The following PDE6B variants were observed in gnomAD, a reference collection of about 807,000 sequenced individuals.
The protein encoded by PDE6B is rod cGMP-specific 3',5'-cyclic phosphodiesterase subunit beta.
A neutral mutation model predicts 109.0 loss-of-function variants in PDE6B; 106 were observed. The ratio of observed to expected loss-of-function variants is 0.97; its 90% CI spans 0.83 to 1.14. PDE6B has a LOEUF of 1.14. Among genes scored for constraint, PDE6B ranks in the 50% most tolerant of loss-of-function variants. The pLI is 0.00. For missense variants in PDE6B, 1,193 were observed against 1,155.6 expected, an observed-to-expected ratio of 1.03 and a Z score of -0.47; for synonymous variants, 490 against 471.3, an observed-to-expected ratio of 1.04 and a Z score of -0.51.
At position 648,914 on chromosome 4, in the gene PDE6B, C is replaced by G. The variant is rs1164204538; in HGVS notation, c.712-4938C>G. On this transcript the variant is annotated intron_variant, in intron 3 of 21. Coordinates refer to ENST00000496514, the MANE Select transcript of PDE6B (RefSeq NM_000283.4). This position sits in a 1 kb window ranked among gnomAD's most constrained non-coding sequence, Gnocchi z 4.5. ...GGCATGGGAGGAGCGGGGGAGCCTT[C>G]TGTCTCTGCAGGTCTGACTCCTGCC... Among the ~76,000 whole-genome samples, 1 of 152,238 alleles carries G rather than the reference C, an allele frequency of 6.6e-6. No individual in the cohort carries two copies. Among genetic ancestry groups the G allele is most frequent in the Non-Finnish European group, 1.5e-5 (1 of 68,034 alleles).
At position 664,882 on chromosome 4, in the gene PDE6B, GC is replaced by G; in HGVS notation, c.2133del (p.Met712Ter). 1 of 1,613,010 alleles carries G rather than the reference GC, an allele frequency of 6.2e-7. No homozygotes were observed. Among genetic ancestry groups the G allele is most frequent in the Non-Finnish European group, 8.5e-7 (1 of 1,179,710 alleles). On this transcript the variant is annotated frameshift_variant and splice_region_variant, in exon 18 of 22. Transcript: ENST00000496514. LOFTEE classifies it high-confidence loss of function. ...LETTRKEIVM[A>X]MMMTACDLSA... The stretch of plus-strand genomic sequence containing the variant: ...CTCGTGCCCGGTTTGTGTCTGCAGG[GC>G]CATGATGATGACAGCCTGCGACCTG...
intron 12 of PDE6B, chr4:661,681 TC>T (rs1304603729): frequency 6.5e-6 from 1 of 153,984 alleles, no homozygotes; most frequent in African/African-American, 2.4e-5. Context: ...AGGAAGAGCC[TC>T]CTGGCGATGT....
At chr4:649,176 C>T (rs1735366550) in intron 3 of PDE6B, among the ~76,000 whole-genome samples, 1 of 152,170 alleles carries the variant, frequency 6.6e-6, no homozygotes, top group Non-Finnish European at 1.5e-5. Flanking sequence ...GGCGGGTGAT[C>T]CTGGGTGTCT....
In PDE6B at chr4:670,110, A is replaced by G; in HGVS notation, c.*3A>G. ...CTTCAACCTGCTGTATCCTGTGAGC[A>G]CTGGTCCCATGGGGACCCTATGGCT... On this transcript the variant is annotated 3_prime_UTR_variant, in exon 22 of 22. Transcript: ENST00000496514. 6.2e-7 allele frequency: 1 copy of G among 1,611,598 alleles called. No homozygotes were observed. The highest frequency in any genetic ancestry group is 8.5e-7 in the Non-Finnish European group (1 of 1,178,180).
chr4:656,745 C>G (rs1736307545), intron 8 of PDE6B, 129 bp from the exon 9 acceptor site: 3 of 777,020 alleles, frequency 3.9e-6, no homozygotes, highest in Non-Finnish European at 6.7e-6. Context: ...ATGCAGAGAG[C>G]AGAGACAGGA....
intron 3 of PDE6B, among the ~76,000 whole-genome samples, chr4:650,667 G>A (rs912045287): frequency 6.6e-6 from 1 of 152,182 alleles, no homozygotes; most frequent in South Asian, 2.1e-4. Context: ...ACACAGGGAG[G>A]GGGGCCGGCA....
chr4:667,820 G>T, intron 20 of PDE6B, 36 bp from the exon 21 acceptor site: 1 of 1,605,970 alleles, frequency 6.2e-7, no homozygotes, highest in South Asian at 1.1e-5. Context: ...AGAGCAGGCA[G>T]GACAGGACTG....
chr4:654,996 A>T, intron 6 of PDE6B, 108 bp downstream of exon 6: 1 of 793,396 alleles, frequency 1.3e-6, no homozygotes, highest in Non-Finnish European at 2.3e-6. Context: ...TGCAGTCAGC[A>T]GCACCGGCCT....
intron 1 of PDE6B, among the ~76,000 whole-genome samples, chr4:627,830 C>G (rs997744804): frequency 6.6e-6 from 1 of 152,072 alleles, no homozygotes; most frequent in Non-Finnish European, 1.5e-5. Flanking sequence ...GTTTGTCCCC[C>G]GCTGCCACCA....
intron 3 of PDE6B, among the ~76,000 whole-genome samples, chr4:649,516 G>C (rs1052670099): frequency 6.6e-6 from 1 of 152,184 alleles, no homozygotes; most frequent in Non-Finnish European, 1.5e-5. Flanking sequence ...TGCTTTGAAA[G>C]TGAAGGAGCG....
At position 663,320 on chromosome 4, in the gene PDE6B, G is replaced by A. The variant is rs1737349167; in HGVS notation, c.1920+133G>A. The A allele has an allele frequency of 1.4e-6, 1 of 697,660 alleles. No homozygotes were observed. 43.2% of individuals were successfully genotyped at this position (697,660 alleles called of 1,614,324 possible). On this transcript the variant is annotated intron_variant, in intron 15 of 21. Transcript: ENST00000496514. This position sits in a 1 kb window ranked among gnomAD's most constrained non-coding sequence, Gnocchi z 4.0. The stretch of plus-strand genomic sequence containing the variant: ...CTGGGTGTGTGAGCACTGGGGGAGG[G>A]CGGCAGAGAAGGCGGAGGGCCGAGG...
chr4:633,498 G>A lies in PDE6B; in HGVS notation c.469-1179G>A, dbSNP rs1043220681. On this transcript the variant is annotated intron_variant, in intron 1 of 21. Coordinates refer to ENST00000496514, the MANE Select transcript of PDE6B (RefSeq NM_000283.4). This position sits in a 1 kb window ranked among gnomAD's most constrained non-coding sequence, Gnocchi z 4.5. Reference sequence around the variant, plus strand: ...CTGACCTCTCAACCTTGCTGCAGGGGAAGGGGGTGGAGGGGAGTTGCGAGG... The same window carrying A: ...CTGACCTCTCAACCTTGCTGCAGGGAAAGGGGGTGGAGGGGAGTTGCGAGG... Among the ~76,000 whole-genome samples, 1 of 152,196 alleles carries A rather than the reference G, an allele frequency of 6.6e-6. No homozygotes were observed. The highest frequency in any genetic ancestry group is 1.5e-5 in the Non-Finnish European group (1 of 68,018).
At position 626,841 on chromosome 4, in the gene PDE6B, G is replaced by T. The variant is rs1734132314; in HGVS notation, c.468+747G>T. On this transcript the variant is annotated intron_variant, in intron 1 of 21. Transcript: ENST00000496514. This position sits in a 1 kb window ranked among gnomAD's most constrained non-coding sequence, Gnocchi z 4.6. Reference sequence around the variant, plus strand: ...GACTGGAGAACAAGAGGGGTGTGAGGTGCCTGCCAGACTGGGTGAGGGCAG... The same window carrying T: ...GACTGGAGAACAAGAGGGGTGTGAGTTGCCTGCCAGACTGGGTGAGGGCAG... Among the ~76,000 whole-genome samples the T allele has an allele frequency of 6.6e-6, 1 of 152,226 alleles. No homozygotes were observed. Among genetic ancestry groups the T allele is most frequent in the Non-Finnish European group, 1.5e-5 (1 of 68,036 alleles).
rs146646008 is a variant in PDE6B, at chr4:654,132, G to A, written c.905G>A (p.Gly302Asp). The change falls in exon 5 of 22, where the codon GGC (glycine) becomes GAC (aspartate). Residue 302 changes from glycine (G) to aspartate (D), a missense_variant. Coordinates refer to ENST00000496514, the MANE Select transcript of PDE6B (RefSeq NM_000283.4). ...ATGGGAGAGTCCCAGCCGTACTCGG[G>A]CCCACGCACGCCTGATGGCCGGGTG... The part of the protein sequence containing the change: ...VLMGESQPYS[G>D]PRTPDGREIV... The A allele has an allele frequency of 3.7e-4, 597 of 1,613,790 alleles. No homozygotes were observed. Among genetic ancestry groups the A allele is most frequent in the Middle Eastern group, 6.6e-4 (4 of 6,062 alleles).
At chr4:655,916 C>A in intron 6 of PDE6B, 24 bp from the exon 7 acceptor site, 2 of 1,540,446 alleles carry the variant, frequency 1.3e-6, no homozygotes, top group South Asian at 2.2e-5. Context: ...CGTGGCCTAT[C>A]TGACCCCTGC....
At position 636,855 on chromosome 4, in the gene PDE6B, T is replaced by C. The variant is rs1734709573; in HGVS notation, c.711+886T>C. ...AGTCTGGAAAGGCGGTCAGGGCCCCTGGGGCATCCAGCCATCCAGCCAGTG... is the reference window on the plus strand; with the variant it reads ...AGTCTGGAAAGGCGGTCAGGGCCCCCGGGGCATCCAGCCATCCAGCCAGTG... On this transcript the variant is annotated intron_variant, in intron 3 of 21. Transcript: ENST00000496514. This position sits in a 1 kb window ranked among gnomAD's most constrained non-coding sequence, Gnocchi z 4.5. Among the ~76,000 whole-genome samples the C allele has an allele frequency of 6.6e-6, 1 of 152,172 alleles. No homozygotes were observed. The highest frequency in any genetic ancestry group is 2.4e-5 in the African/African-American group (1 of 41,450).
rs536667903 is a variant in PDE6B at position 626,996 on chromosome 4, C to G, written c.468+902C>G. Among the ~76,000 whole-genome samples, 222 of 152,296 alleles carry G rather than the reference C, an allele frequency of 1.5e-3. No individual in the cohort carries two copies. Among genetic ancestry groups the G allele is most frequent in the Non-Finnish European group, 2.7e-3 (183 of 68,024 alleles). On this transcript the variant is annotated intron_variant, in intron 1 of 21. Transcript: ENST00000496514. This position sits in a 1 kb window ranked among gnomAD's most constrained non-coding sequence, Gnocchi z 4.6. ...AGCTTCCTCTCCCCTTTTCTGTCCCCACAGCTAAGGAGGCTGCAAGAGGCC... is the reference window on the plus strand; with the variant it reads ...AGCTTCCTCTCCCCTTTTCTGTCCCGACAGCTAAGGAGGCTGCAAGAGGCC...
chr4:664,102 C>T lies in PDE6B; in HGVS notation c.2022-12C>T. 6.4e-7 allele frequency: 1 copy of T among 1,568,658 alleles called. No individual in the cohort carries two copies. Among genetic ancestry groups the T allele is most frequent in the Non-Finnish European group, 8.8e-7 (1 of 1,138,996 alleles). ...TGCTCCCACCTGCACCTCCCTTGTT[C>T]CCTGGGTTCAGGAAGAGAGCGATGT... is the stretch of plus-strand genomic sequence containing the variant. On this transcript the variant is annotated splice_polypyrimidine_tract_variant and intron_variant, in intron 16 of 21. Transcript: ENST00000496514.
chr4:666,396 C>A lies in PDE6B; in HGVS notation c.2269-135C>A. The A allele has an allele frequency of 1.4e-6, 1 of 702,912 alleles. No individual in the cohort carries two copies. 43.5% of individuals were successfully genotyped at this position (702,912 alleles called of 1,614,324 possible). A position where few individuals can be genotyped will look rare whatever the true frequency, so the allele number is the denominator to read the frequency against. ...GGTGTCAGCTTCCCCTCCCGAGAGC[C>A]AGTTTCTGTCAGGCAGGCTCGTCCC... On this transcript the variant is annotated intron_variant, in intron 19 of 21. Coordinates refer to ENST00000496514, the MANE Select transcript of PDE6B (RefSeq NM_000283.4). This position sits in a 1 kb window ranked among gnomAD's most constrained non-coding sequence, Gnocchi z 5.6.
Sources: gnomAD v4.1 joint callset for allele counts (sites outside exome capture counted in the v4.1 genomes callset) on GRCh38, gnomAD v4.1.1 for gene constraint, Gnocchi (gnomAD v3.1) non-coding constraint, MANE v1.5 for transcripts, NCBI Gene and HGNC (gene_info 2026-07-23, HGNC 2026-07-21) for gene names.